Variants in DUT observed in about 807,000 individuals in gnomAD.
The protein encoded by DUT is deoxyuridine 5'-triphosphate nucleotidohydrolase, mitochondrial.
Under a neutral mutation model 28.8 loss-of-function variants are expected in DUT, and 21 were observed. That is an observed-to-expected ratio of 0.73 (90% confidence interval 0.52 to 1.05). The LOEUF (loss-of-function observed/expected upper bound fraction) is 1.05. Among genes scored for constraint, DUT ranks in the 50% least tolerant of loss-of-function variants. DUT has a pLI of 0.00. For synonymous variants in DUT, 147 were observed against 143.7 expected (o/e 1.02, Z -0.17); for missense variants, 344 against 351.8 (o/e 0.98, Z 0.18).
At chr15:48,332,826 C>A (rs28381107) in intron 2 of DUT, 14,006 of 455,720 alleles carry the variant, frequency 0.031, 466 homozygotes, top group East Asian at 0.086. Context: ...TACATTCATC[C>A]GGCCCAGGGC....
intron 2 of DUT, among the ~76,000 whole-genome samples, chr15:48,333,122 G>A (rs1472554558): frequency 6.6e-6 from 1 of 151,426 alleles, no homozygotes; most frequent in Non-Finnish European, 1.5e-5. Context: ...GAACCATTAA[G>A]GTAGGAGAAA....
chr15:48,334,997 T>G (rs1298053536), intron 3 of DUT, among the ~76,000 whole-genome samples: 1 of 152,198 alleles, frequency 6.6e-6, no homozygotes, highest in Non-Finnish European at 1.5e-5. Flanking sequence ...TCTTTTTGAC[T>G]AACTTCAGAG....
At chr15:48,337,492 A>G (rs186882895) in intron 4 of DUT, among the ~76,000 whole-genome samples, 52 of 152,312 alleles carry the variant, frequency 3.4e-4, no homozygotes, top group Middle Eastern at 3.4e-3. Context: ...CTCTAGAGGT[A>G]GGAGGATTAA....
Position 48,332,569 on chromosome 15 carries a change from T to C in DUT, c.419+163T>C, listed in dbSNP as rs1236428457. ...GCTTTCATCTTTGGCATAAATTAAA[T>C]AGAGATTTGGGCAAAGACTGCAGAA... On this transcript the variant is annotated intron_variant, in intron 2 of 6. Coordinates refer to ENST00000331200, the MANE Select transcript of DUT (RefSeq NM_001025248.2). 2.1e-5 allele frequency: 16 copies of C among 750,050 alleles called. No homozygotes were observed. The Admixed American group carries it at 4.1e-4, about 19-fold the overall frequency. The allele number at this position is 750,050 out of a possible 1,614,324, so 46.5% of individuals were successfully genotyped here.
At chr15:48,334,016 TTTC>T (rs1186339014) in intron 2 of DUT, among the ~76,000 whole-genome samples, 1 of 152,228 alleles carries the variant, frequency 6.6e-6, no homozygotes, top group Non-Finnish European at 1.5e-5. Flanking sequence ...TTCTTTGTTC[TTTC>T]TTCATTTTTT....
chr15:48,332,040 C>A, intron 1 of DUT: 2 of 1,062,720 alleles, frequency 1.9e-6, no homozygotes, highest in East Asian at 6.2e-5. Context: ...AGTAGTTTCC[C>A]ATCCCAAACC....
In DUT at chr15:48,338,828, G is replaced by T. The variant is rs28381131; in HGVS notation, c.557-2461G>T. ...AGCCTGTGTCTGATATTATGCAAGA[G>T]AATAGTTACATAGAAACAATGGTAC... is the stretch of plus-strand genomic sequence containing the variant. On this transcript the variant is annotated intron_variant, in intron 4 of 6. Transcript: ENST00000331200. Among the ~76,000 whole-genome samples the T allele has an allele frequency of 1.1e-4, 17 of 152,302 alleles. No homozygotes were observed. In the East Asian group the frequency reaches 3.3e-3, roughly 29 times the overall value.
chr15:48,331,373 G>A, upstream of DUT: 2 of 1,468,464 alleles, frequency 1.4e-6, no homozygotes, highest in East Asian at 2.6e-5. Context: ...GGCTGCCGGG[G>A]CACCGCCTCT....
chr15:48,332,212 C>A, intron 1 of DUT, 56 bp from the exon 2 acceptor site: 1 of 1,538,410 alleles, frequency 6.5e-7, no homozygotes, highest in Non-Finnish European at 8.7e-7. Context: ...GCGCTCTCCT[C>A]TTCCCCCGGT....
chr15:48,339,312 A>G (rs2042507586), intron 4 of DUT, among the ~76,000 whole-genome samples: 1 of 152,150 alleles, frequency 6.6e-6, no homozygotes, highest in African/African-American at 2.4e-5. Context: ...ATGTATTTGT[A>G]TTGTTTTAGT....
intron 2 of DUT, among the ~76,000 whole-genome samples, chr15:48,333,352 A>G (rs763823793): frequency 3.9e-5 from 6 of 152,212 alleles, no homozygotes; most frequent in Admixed American, 1.3e-4. Flanking sequence ...GAATAAAAGT[A>G]GAGTGATATA....
chr15:48,332,067 C>A (rs1566871406), intron 1 of DUT: 1 of 1,241,480 alleles, frequency 8.1e-7, no homozygotes. Flanking sequence ...CCGAGAAGGG[C>A]TTCAAACCCA....
At chr15:48,337,744 T>C (rs2042490367) in intron 4 of DUT, among the ~76,000 whole-genome samples, 1 of 152,188 alleles carries the variant, frequency 6.6e-6, no homozygotes, top group African/African-American at 2.4e-5. Context: ...CACATTGTGG[T>C]GTGTTCTTGG....
intron 3 of DUT, among the ~76,000 whole-genome samples, chr15:48,335,310 G>T (rs893358835): frequency 6.6e-6 from 1 of 152,098 alleles, no homozygotes; most frequent in Admixed American, 6.5e-5. Context: ...TTAATTATAG[G>T]CCTGATGCTT....
chr15:48,334,749 G>C lies in DUT; in HGVS notation c.511+241G>C, dbSNP rs1484225622. 2.0e-5 allele frequency among the ~76,000 whole-genome samples: 3 copies of C among 152,154 alleles called. No homozygotes were observed. In the East Asian group the frequency reaches 5.8e-4, roughly 29 times the overall value. On this transcript the variant is annotated intron_variant, in intron 3 of 6. Coordinates refer to ENST00000331200, the MANE Select transcript of DUT (RefSeq NM_001025248.2). ...TTTTAGGCTCACACTGGCCTAGAAGGCTGTTCTCAGAACATGGCATTTTAT... is the reference window on the plus strand; with the variant it reads ...TTTTAGGCTCACACTGGCCTAGAAGCCTGTTCTCAGAACATGGCATTTTAT...
In DUT at chr15:48,333,295, G is replaced by C. The variant is rs370962251; in HGVS notation, c.419+889G>C. Among the ~76,000 whole-genome samples, 28 of 152,196 alleles carry C rather than the reference G, an allele frequency of 1.8e-4. No homozygotes were observed. The East Asian group carries it at 5.4e-3, about 29-fold the overall frequency. ...CAGAAAAAAAAGGAAAAGGAAAGTA[G>C]GTATGGACAATTGTAGCTGGAAAAA... On this transcript the variant is annotated intron_variant, in intron 2 of 6. Coordinates refer to ENST00000331200, the MANE Select transcript of DUT (RefSeq NM_001025248.2).
At position 48,336,309 on chromosome 15, in the gene DUT, C is replaced by G. The variant is rs188372724; in HGVS notation, c.556+219C>G. Reference sequence around the variant, plus strand: ...ATAATGATTACCTAATTAATAATGACAGATTTAATGATATAATAATTAAGT... The same window carrying G: ...ATAATGATTACCTAATTAATAATGAGAGATTTAATGATATAATAATTAAGT... On this transcript the variant is annotated intron_variant, in intron 4 of 6. Transcript: ENST00000331200. Among the ~76,000 whole-genome samples the G allele has an allele frequency of 2.6e-5, 4 of 152,140 alleles. No individual in the cohort carries two copies. In the East Asian group the frequency reaches 5.8e-4, roughly 22 times the overall value.
chr15:48,340,684 G>T (rs993217208), intron 4 of DUT, among the ~76,000 whole-genome samples: 2 of 152,172 alleles, frequency 1.3e-5, no homozygotes, highest in Non-Finnish European at 2.9e-5. Flanking sequence ...TGAAGCCTAT[G>T]TGCTACAGTC....
Position 48,342,202 on chromosome 15 carries a change from G to C in DUT, c.*124G>C. On this transcript the variant is annotated 3_prime_UTR_variant, in exon 7 of 7. Coordinates refer to ENST00000331200, the MANE Select transcript of DUT (RefSeq NM_001025248.2). The stretch of plus-strand genomic sequence containing the variant: ...AACTTACTAGCTTTACCTTCTAAAA[G>C]TACTGCATTTTTTACTTTTTTTTAT... 1 of 490,418 alleles carries C rather than the reference G, an allele frequency of 2.0e-6. No homozygotes were observed. Among genetic ancestry groups the C allele is most frequent in the Non-Finnish European group, 3.4e-6 (1 of 294,484 alleles). 30.4% of individuals were successfully genotyped at this position (490,418 alleles called of 1,614,324 possible).
Sources: allele counts gnomAD v4.1 joint callset (sites outside exome capture counted in the v4.1 genomes callset), GRCh38; gene constraint gnomAD v4.1.1; transcripts MANE v1.5; gene names NCBI Gene and HGNC (gene_info 2026-07-23, HGNC 2026-07-21).